Variants in MACROD2 observed in about 807,000 individuals in gnomAD.
The protein encoded by MACROD2 is mono-ADP ribosylhydrolase 2, also known as ADP-ribose glycohydrolase MACROD2.
MACROD2 carries 36 observed loss-of-function variants against 70.4 expected under a neutral mutation model. The ratio of observed to expected loss-of-function variants is 0.51; its 90% CI spans 0.39 to 0.68. The LOEUF (loss-of-function observed/expected upper bound fraction) is 0.68. Among genes scored for constraint, MACROD2 ranks in the 30% least tolerant of loss-of-function variants. The probability of loss-of-function intolerance (pLI) is 0.00; values close to 1 mark genes in which losing one functional copy is unlikely to be tolerated. For synonymous variants in MACROD2, 172 were observed against 178.8 expected (o/e 0.96, Z 0.30); for missense variants, 496 against 538.4 (o/e 0.92, Z 0.78).
chr20:14,090,041 C>T lies in MACROD2; in HGVS notation c.271+4313C>T, dbSNP rs563486131. ...AACCTTGCCCTTTCTTTTCCTTCCCCCTTATTAGTGTTGCCATTTTTATGT... is the reference window on the plus strand; with the variant it reads ...AACCTTGCCCTTTCTTTTCCTTCCCTCTTATTAGTGTTGCCATTTTTATGT... On this transcript the variant is annotated intron_variant, in intron 3 of 17. Coordinates refer to ENST00000684519, the MANE Select transcript of MACROD2 (RefSeq NM_001351661.2). 3.2e-4 allele frequency among the ~76,000 whole-genome samples: 48 copies of T among 152,150 alleles called. No homozygotes were observed. The South Asian group carries it at 9.2e-3, about 29-fold the overall frequency.
At chr20:15,431,589 A>G (rs1312794459) in intron 7 of MACROD2, among the ~76,000 whole-genome samples, 154 bp downstream of exon 7, 1 of 152,076 alleles carries the variant, frequency 6.6e-6, no homozygotes, top group African/African-American at 2.4e-5. Flanking sequence ...GAATGTCATG[A>G]GGCTATTCAG....
At chr20:15,109,687 C>T (rs1415292290) in intron 5 of MACROD2, among the ~76,000 whole-genome samples, 1 of 151,982 alleles carries the variant, frequency 6.6e-6, no homozygotes, top group Non-Finnish European at 1.5e-5. Flanking sequence ...GTTCTGAGCC[C>T]AAAACAACTG....
intron 8 of MACROD2, among the ~76,000 whole-genome samples, chr20:15,551,493 T>C (rs2048096474): frequency 6.6e-6 from 1 of 152,166 alleles, no homozygotes; most frequent in South Asian, 2.1e-4. Flanking sequence ...CTAAAACATG[T>C]GCTCACGTTT....
intron 3 of MACROD2, among the ~76,000 whole-genome samples, chr20:14,454,591 C>A (rs2084279055): frequency 6.6e-6 from 1 of 151,828 alleles, no homozygotes; most frequent in African/African-American, 2.4e-5. Flanking sequence ...GTTTTAGAAC[C>A]AGGCTTTTTT....
intron 5 of MACROD2, among the ~76,000 whole-genome samples, chr20:15,225,573 A>G (rs1282623598): frequency 6.6e-6 from 1 of 152,172 alleles, no homozygotes; most frequent in Non-Finnish European, 1.5e-5. Flanking sequence ...ACAAACCTAT[A>G]TTCTTCCCTA....
At chr20:14,208,016 A>G (rs2081539860) in intron 3 of MACROD2, among the ~76,000 whole-genome samples, 1 of 152,168 alleles carries the variant, frequency 6.6e-6, no homozygotes, top group African/African-American at 2.4e-5. Flanking sequence ...TGAAGTGAAA[A>G]CAATTTCTCT....
intron 8 of MACROD2, among the ~76,000 whole-genome samples, chr20:15,519,061 T>C (rs1284042239): frequency 1.4e-5 from 1 of 70,338 alleles, no homozygotes. Context: ...GCTCTTTCCT[T>C]CCTTCCTTCC....
At chr20:15,202,846 G>A (rs1027708131) in intron 5 of MACROD2, among the ~76,000 whole-genome samples, 5 of 152,094 alleles carry the variant, frequency 3.3e-5, no homozygotes, top group African/African-American at 9.7e-5. Flanking sequence ...AGTCAGAAGA[G>A]CAAAATGAAA....
At chr20:14,145,903 G>T (rs2148708364) in intron 3 of MACROD2, among the ~76,000 whole-genome samples, 1 of 152,246 alleles carries the variant, frequency 6.6e-6, no homozygotes, top group South Asian at 2.1e-4. Flanking sequence ...TAATTGTTTT[G>T]TGCATATTAG....
chr20:14,289,788 A>G (rs1168996833), intron 3 of MACROD2, among the ~76,000 whole-genome samples: 1 of 152,212 alleles, frequency 6.6e-6, no homozygotes, highest in East Asian at 1.9e-4. Flanking sequence ...GTGATCTACC[A>G]GCCTTGCCTC....
chr20:15,006,744 C>T (rs1028404031), intron 5 of MACROD2, among the ~76,000 whole-genome samples: 3 of 152,006 alleles, frequency 2.0e-5, no homozygotes, highest in African/African-American at 4.8e-5. Flanking sequence ...AGCAGAGGAG[C>T]GGGTCTTCCA....
intron 6 of MACROD2, among the ~76,000 whole-genome samples, chr20:15,303,819 GT>G (rs2077670299): frequency 6.6e-6 from 1 of 152,030 alleles, no homozygotes; most frequent in African/African-American, 2.4e-5. Flanking sequence ...ACTCACAAGT[GT>G]TTTTTGCTCT....
At chr20:15,444,568 G>T (rs1451921220) in intron 7 of MACROD2, among the ~76,000 whole-genome samples, 1 of 152,032 alleles carries the variant, frequency 6.6e-6, no homozygotes, top group African/African-American at 2.4e-5. Flanking sequence ...CTGTATCTCT[G>T]TGTGTAGTCA....
chr20:15,087,273 T>G (rs1314551542), intron 5 of MACROD2, among the ~76,000 whole-genome samples: 2 of 151,982 alleles, frequency 1.3e-5, no homozygotes, highest in Non-Finnish European at 2.9e-5. Flanking sequence ...CAAAAAAGAA[T>G]GACTAAGGAG....
At chr20:14,137,841 A>T (rs1239247402) in intron 3 of MACROD2, among the ~76,000 whole-genome samples, 1 of 152,204 alleles carries the variant, frequency 6.6e-6, no homozygotes, top group Non-Finnish European at 1.5e-5. Context: ...TGAAAAGGCA[A>T]CCTATGGATT....
intron 3 of MACROD2, among the ~76,000 whole-genome samples, chr20:14,463,061 A>G (rs200753766): frequency 4.6e-5 from 7 of 150,760 alleles, no homozygotes; most frequent in Non-Finnish European, 7.4e-5. Context: ...GTTTTTTCCA[A>G]TTCTGTGAAG....
chr20:14,017,599 C>G (rs1601118031), intron 2 of MACROD2, among the ~76,000 whole-genome samples: 1 of 152,040 alleles, frequency 6.6e-6, no homozygotes, highest in Non-Finnish European at 1.5e-5. Context: ...CTTCATTCTT[C>G]ATGTTGGAGT....
chr20:14,830,319 T>TA (rs956251117), intron 5 of MACROD2, among the ~76,000 whole-genome samples: 84 of 152,210 alleles, frequency 5.5e-4, no homozygotes, highest in African/African-American at 1.7e-3. Context: ...TTAGAGTTGT[T>TA]AAAAAATAAT....
intron 5 of MACROD2, among the ~76,000 whole-genome samples, chr20:15,122,577 G>T (rs1259129685): frequency 1.3e-5 from 2 of 152,096 alleles, no homozygotes; most frequent in Admixed American, 6.6e-5. Context: ...TTTTACTTAA[G>T]GTGTAATCCT....
Sources: gnomAD v4.1 joint callset for allele counts (sites outside exome capture counted in the v4.1 genomes callset) on GRCh38, gnomAD v4.1.1 for gene constraint, MANE v1.5 for transcripts, NCBI Gene and HGNC (gene_info 2026-07-23, HGNC 2026-07-21) for gene names.